Variants in COG8 observed in about 807,000 individuals in gnomAD.
COG8 encodes the protein component of oligomeric golgi complex 8.
COG8 carries 45 observed loss-of-function variants against 46.5 expected under a neutral mutation model. The ratio of observed to expected loss-of-function variants is 0.97; its 90% CI spans 0.76 to 1.24. The LOEUF (loss-of-function observed/expected upper bound fraction) is 1.24, where lower values mean the gene tolerates loss of function less well. Among genes scored for constraint, COG8 ranks in the 50% most tolerant of loss-of-function variants. The pLI is 0.00. For missense variants in COG8, 793 were observed against 820.8 expected, an observed-to-expected ratio of 0.97 and a Z score of 0.41; for synonymous variants, 407 against 347.8, an observed-to-expected ratio of 1.17 and a Z score of -1.90.
Position 69,329,177 on chromosome 16 carries a change from G to A in COG8, c.*29C>T, listed in dbSNP as rs1294260637. 8.8e-6 allele frequency: 14 copies of A among 1,594,384 alleles called. No homozygotes were observed. Among genetic ancestry groups the A allele is most frequent in the Non-Finnish European group, 1.2e-5 (14 of 1,173,586 alleles). On this transcript the variant is annotated splice_region_variant and 3_prime_UTR_variant, in exon 6 of 6. Coordinates refer to ENST00000306875, the MANE Select transcript of COG8 (RefSeq NM_032382.5). Reference sequence around the variant, plus strand: ...ACCACCTGTTCTCCATTGGGGTCCAGCCCTGCAAAGGAAGTTACAGCCCTG... The same window carrying A: ...ACCACCTGTTCTCCATTGGGGTCCAACCCTGCAAAGGAAGTTACAGCCCTG...
Position 69,330,292 on chromosome 16 carries a change from C to T in COG8, c.*26+521G>A, listed in dbSNP as rs542892675. ...CCTGGACCAGCCGTTGCGTCAGCCG[C>T]TGCAGCTCGGGCCCGCCTAGCTGCG... On this transcript the variant is annotated intron_variant, in intron 5 of 5. Transcript: ENST00000306875. 5.0e-5 allele frequency: 72 copies of T among 1,430,130 alleles called. 2 individuals are homozygous for T. The South Asian group carries it at 9.7e-4, about 19-fold the overall frequency. 88.6% of individuals were successfully genotyped at this position (1,430,130 alleles called of 1,614,324 possible).
At position 69,334,839 on chromosome 16, in the gene COG8, AC is replaced by A; in HGVS notation, c.1094del (p.Gly365ValfsTer30). ...CCCGCTGGAAAACAGGAGCCAACTG[AC>A]CCCGGAAATCAGCTCCCACCCGGCT... ...SFSRVGADFR[G>X]QLAPVFQRVA... On this transcript the variant is annotated frameshift_variant, in exon 3 of 6. Coordinates refer to ENST00000306875, the MANE Select transcript of COG8 (RefSeq NM_032382.5). LOFTEE classifies it high-confidence loss of function. The A allele has an allele frequency of 6.2e-7, 1 of 1,613,936 alleles. No homozygotes were observed. Among genetic ancestry groups the A allele is most frequent in the South Asian group, 1.1e-5 (1 of 91,070 alleles).
rs113368039 is a variant in COG8 at position 69,332,853 on chromosome 16, G to A, written c.1443C>T (p.Arg481=). The A allele has an allele frequency of 1.4e-5, 22 of 1,614,112 alleles. No homozygotes were observed. Among genetic ancestry groups the A allele is most frequent in the East Asian group, 8.9e-5 (4 of 44,904 alleles). ...CGCTGCTGAAGGCAGCCTCTTCAGC[G>A]CGATGGAAGGCCAGGATTATTTTAG... ...KVTKIILAFH[R]AEEAAFSSGE... is the part of the protein sequence containing the mutation. The change falls in exon 4 of 6, where the codon CGC becomes CGT. Residue 481 remains arginine (R), a synonymous_variant. Coordinates refer to ENST00000306875, the MANE Select transcript of COG8 (RefSeq NM_032382.5).
In COG8 at chr16:69,339,216, G is replaced by T. The variant is rs747702030; in HGVS notation, c.337C>A (p.Arg113Ser). Residue 113 changes from arginine to serine, a missense_variant, in exon 1 of 6, where the codon CGC (arginine) becomes AGC (serine). Transcript: ENST00000306875. ...LFGDVEASLG[R>S]LLDRLPSFQQ... ...AAGCTGGGCAAACGGTCGAGCAGGC[G>T]GCCGAGCGACGCCTCCACGTCGCCA... is the stretch of plus-strand genomic sequence containing the variant. The T allele has an allele frequency of 6.2e-7, 1 of 1,612,716 alleles. No individual in the cohort carries two copies. Among genetic ancestry groups the T allele is most frequent in the African/African-American group, 1.3e-5 (1 of 74,946 alleles).
At chr16:69,329,260 C>T in intron 5 of COG8, 81 bp from the exon 6 acceptor site, 8 of 1,397,712 alleles carry the variant, frequency 5.7e-6, no homozygotes, top group Admixed American at 3.3e-5. Context: ...GCCCCCGGTC[C>T]TGGCTGTTCC....
intron 5 of COG8, among the ~76,000 whole-genome samples, chr16:69,329,562 G>A (rs1230016734): frequency 1.3e-5 from 2 of 152,218 alleles, no homozygotes; most frequent in African/African-American, 2.4e-5. Context: ...CGGGCTTGCT[G>A]TGCAGGAACA....
At chr16:69,330,557 C>T (rs1172236439) in intron 5 of COG8, 3 of 1,467,308 alleles carry the variant, frequency 2.0e-6, no homozygotes, top group Admixed American at 2.5e-5. Context: ...CAGCGCGCCC[C>T]ACAGCCGGGC....
rs1248239829 is a variant in COG8 at position 69,329,126 on chromosome 16, G to C, written c.*80C>G. The C allele has an allele frequency of 4.4e-6, 7 of 1,609,132 alleles. No homozygotes were observed. Among genetic ancestry groups the C allele is most frequent in the Non-Finnish European group, 5.1e-6 (6 of 1,179,006 alleles). On this transcript the variant is annotated 3_prime_UTR_variant, in exon 6 of 6. Transcript: ENST00000306875. ...TGGTCCATCTCGTGCTGGATGATGC[G>C]GGCTGCCCACCCGCTCGCCTGCCAC... is the stretch of plus-strand genomic sequence containing the variant.
chr16:69,331,218 AGGGG>A, intron 4 of COG8, 123 bp from the exon 5 acceptor site: 4 of 913,506 alleles, frequency 4.4e-6, no homozygotes, highest in African/African-American at 1.7e-5. Flanking sequence ...GAGGCCGGGG[AGGGG>A]GGGGCGGATC....
At chr16:69,329,650 C>CTGGG (rs1351275564) in intron 5 of COG8, among the ~76,000 whole-genome samples, 1 of 152,254 alleles carries the variant, frequency 6.6e-6, no homozygotes, top group Non-Finnish European at 1.5e-5. Context: ...GCCCCCTGGG[C>CTGGG]TGGGTCAGGC....
intron 5 of COG8, chr16:69,330,412 C>A: frequency 6.8e-7 from 1 of 1,477,892 alleles, no homozygotes; most frequent in Non-Finnish European, 8.9e-7. Flanking sequence ...GCACCAGACG[C>A]CTCAGGTGGC....
At chr16:69,330,154 C>G (rs929526721) in intron 5 of COG8, 24 of 1,545,962 alleles carry the variant, frequency 1.6e-5, no homozygotes, top group Non-Finnish European at 2.1e-5. Context: ...GGAGCGCGCG[C>G]TGGCGGGGCG....
In COG8 at chr16:69,336,565, C is replaced by T. The variant is rs187905134; in HGVS notation, c.525G>A (p.Leu175=). 227 of 1,614,162 alleles carry T rather than the reference C, an allele frequency of 1.4e-4. No individual in the cohort carries two copies. Among genetic ancestry groups the T allele is most frequent in the Admixed American group, 2.0e-4 (12 of 60,018 alleles). The change falls in exon 2 of 6, where the codon CTG becomes CTA. Residue 175 remains leucine, a synonymous_variant. Transcript: ENST00000306875. The part of the protein sequence containing the change: ...CVRNSYYEEA[L]ELAAYVRRLE... ...GTCGGCGTACGTAGGCTGCAAGCTC[C>T]AGGGCCTCTTCATAATAACTGTTCC... is the stretch of plus-strand genomic sequence containing the variant.
chr16:69,337,036 C>T lies in COG8; in HGVS notation c.378-324G>A, dbSNP rs149163482. On this transcript the variant is annotated intron_variant, in intron 1 of 5. Transcript: ENST00000306875. ...ATATAGGGCCAGGCGCAGTGGCTCA[C>T]GCCTGTAATCCCAGCACTTTGGGAG... 5.7e-3 allele frequency among the ~76,000 whole-genome samples: 872 copies of T among 152,248 alleles called. 10 individuals are homozygous for T. The highest frequency in any genetic ancestry group is 0.028 in the Admixed American group (432 of 15,286).
intron 3 of COG8, among the ~76,000 whole-genome samples, chr16:69,333,807 A>G (rs1182102396): frequency 1.3e-5 from 2 of 152,220 alleles, no homozygotes; most frequent in Admixed American, 1.3e-4. Context: ...TAGGCAACAT[A>G]GGGAGACACT....
Position 69,336,643 on chromosome 16 carries a change from G to A in COG8, c.447C>T (p.His149=), listed in dbSNP as rs2012222390. The A allele has an allele frequency of 1.9e-6, 3 of 1,614,162 alleles. No individual in the cohort carries two copies. Among genetic ancestry groups the A allele is most frequent in the Non-Finnish European group, 1.7e-6 (2 of 1,180,032 alleles). The stretch of plus-strand genomic sequence containing the variant: ...TCTCCAGTATTTCCAAAATTTCTGT[G>A]TGCCGGTTTAGGGTCAGGCTATTCA... The part of the protein sequence containing the change: ...RRMNSLTLNR[H]TEILEILEIP... Residue 149 remains histidine (H), a synonymous_variant, in exon 2 of 6, where the codon CAC becomes CAT. Coordinates refer to ENST00000306875, the MANE Select transcript of COG8 (RefSeq NM_032382.5).
Position 69,338,987 on chromosome 16 carries a change from C to A in COG8, c.377+189G>T, listed in dbSNP as rs553770711. 11 of 795,740 alleles carry A rather than the reference C, an allele frequency of 1.4e-5. No individual in the cohort carries two copies. The African/African-American group carries it at 1.9e-4, about 14-fold the overall frequency. The allele number at this position is 795,740 out of a possible 1,614,324, so 49.3% of individuals were successfully genotyped here. A position where few individuals can be genotyped will look rare whatever the true frequency, so the allele number is the denominator to read the frequency against. On this transcript the variant is annotated intron_variant, in intron 1 of 5. Coordinates refer to ENST00000306875, the MANE Select transcript of COG8 (RefSeq NM_032382.5). The stretch of plus-strand genomic sequence containing the variant: ...CCAGCCTGGCGACAGGGCGAGACTC[C>A]GTCTCAAAAAAGATAAAAAAGGAAT...
intron 3 of COG8, among the ~76,000 whole-genome samples, chr16:69,334,238 T>TC (rs2012056514): frequency 6.6e-6 from 1 of 152,168 alleles, no homozygotes; most frequent in South Asian, 2.1e-4. Flanking sequence ...AGGTAATAAA[T>TC]GTGTTGCTGG....
In COG8 at chr16:69,339,429, C is replaced by A; in HGVS notation, c.124G>T (p.Glu42Ter). 6.3e-7 allele frequency: 1 copy of A among 1,586,360 alleles called. No homozygotes were observed. The highest frequency in any genetic ancestry group is 8.5e-7 in the Non-Finnish European group (1 of 1,171,712). ...AGGTAGCGGCCCACATCGGGCCGCT[C>A]GCGCCACTGGGCCTCGGGGAAGCGG... ...RDRFPEAQWR[E>*]RPDVGRYLRE... is the part of the protein sequence containing the mutation. The change falls in exon 1 of 6, where the codon GAG becomes TAG. Residue 42 changes from glutamate to a stop codon, truncating the protein, a stop_gained. Coordinates refer to ENST00000306875, the MANE Select transcript of COG8 (RefSeq NM_032382.5). LOFTEE classifies it high-confidence loss of function.
Sources: gnomAD v4.1 joint callset for allele counts (sites outside exome capture counted in the v4.1 genomes callset) on GRCh38, gnomAD v4.1.1 for gene constraint, MANE v1.5 for transcripts, NCBI Gene and HGNC (gene_info 2026-07-23, HGNC 2026-07-21) for gene names.